Variants in NRXN3 observed in about 807,000 individuals in gnomAD.
The protein encoded by NRXN3 is neurexin 3, also known as neurexin III.
NRXN3 carries 32 observed loss-of-function variants against 137.6 expected under a neutral mutation model. The observed-to-expected ratio is 0.23, with a 90% confidence interval of 0.18 to 0.31. The LOEUF (loss-of-function observed/expected upper bound fraction) is 0.31. Among genes scored for constraint, NRXN3 ranks in the 10% least tolerant of loss-of-function variants. The pLI is 1.00. For missense variants in NRXN3, 1,574 were observed against 2,062.5 expected (o/e 0.76, Z 4.59); for synonymous variants, 798 against 784.5 (o/e 1.02, Z -0.29).
At chr14:78,539,808 C>A (rs907540022) in intron 4 of NRXN3, among the ~76,000 whole-genome samples, 10 of 152,118 alleles carry the variant, frequency 6.6e-5, no homozygotes, top group African/African-American at 2.4e-4. Flanking sequence ...TATGTTGTGT[C>A]TTTGTTATCA....
intron 16 of NRXN3, among the ~76,000 whole-genome samples, chr14:79,607,841 GC>G (rs2098042066): frequency 6.6e-6 from 1 of 151,686 alleles, no homozygotes; most frequent in Admixed American, 6.6e-5. Context: ...ACCATGCCCG[GC>G]TAATTTTTTG....
chr14:79,295,421 C>G (rs138331861), intron 15 of NRXN3, among the ~76,000 whole-genome samples: 1 of 152,252 alleles, frequency 6.6e-6, no homozygotes, highest in African/African-American at 2.4e-5. Flanking sequence ...ATAAAAAGCA[C>G]TCTTTCAAAT....
intron 4 of NRXN3, among the ~76,000 whole-genome samples, chr14:78,613,582 T>G (rs922216480): frequency 7.6e-6 from 1 of 132,158 alleles, no homozygotes; most frequent in East Asian, 2.0e-4. Flanking sequence ...ACCATAGTTT[T>G]TTTTTTTTTT....
chr14:78,171,477 G>T (rs1361730197), intron 1 of NRXN3, among the ~76,000 whole-genome samples: 2 of 152,120 alleles, frequency 1.3e-5, no homozygotes, highest in Non-Finnish European at 1.5e-5. Flanking sequence ...CTCTGTGTAA[G>T]CACTGTGGGT....
chr14:79,680,344 C>T (rs1212014233), intron 17 of NRXN3, among the ~76,000 whole-genome samples: 1 of 151,970 alleles, frequency 6.6e-6, no homozygotes, highest in Non-Finnish European at 1.5e-5. Context: ...AAGATCCTGC[C>T]ATTGTACTCC....
At chr14:79,415,693 T>C (rs1292167729) in intron 15 of NRXN3, among the ~76,000 whole-genome samples, 2 of 152,178 alleles carry the variant, frequency 1.3e-5, no homozygotes, top group African/African-American at 4.8e-5. Context: ...TGTTGTCATA[T>C]CTGTACATTC....
intron 16 of NRXN3, chr14:79,661,878 G>C (rs988094060): frequency 2.0e-5 from 3 of 152,000 alleles, no homozygotes; most frequent in African/African-American, 7.2e-5. Flanking sequence ...ATATGGTTTG[G>C]CTGTGTTCCC....
intron 16 of NRXN3, 38 bp downstream of exon 16, chr14:79,467,440 C>G (rs762734658): frequency 1.3e-6 from 2 of 1,534,726 alleles, no homozygotes; most frequent in Admixed American, 3.6e-5. Flanking sequence ...TCTTATGTTA[C>G]TGGTGGTCTG....
At chr14:79,308,198 T>G (rs188611376) in intron 15 of NRXN3, among the ~76,000 whole-genome samples, 2 of 152,286 alleles carry the variant, frequency 1.3e-5, no homozygotes, top group African/African-American at 4.8e-5. Context: ...CTTCAACATA[T>G]GAATGTTGAA....
intron 2 of NRXN3, among the ~76,000 whole-genome samples, chr14:78,263,405 G>C (rs1180196957): frequency 6.6e-6 from 1 of 152,136 alleles, no homozygotes; most frequent in African/African-American, 2.4e-5. Context: ...AAGATACTTT[G>C]ATTGTACAGT....
chr14:79,766,696 CAT>C (rs1400583577), intron 19 of NRXN3, among the ~76,000 whole-genome samples: 6 of 152,214 alleles, frequency 3.9e-5, no homozygotes, highest in African/African-American at 7.2e-5. Flanking sequence ...TTAGAATTTA[CAT>C]GAGTTCATTT....
At chr14:79,328,661 C>T (rs1210261799) in intron 15 of NRXN3, among the ~76,000 whole-genome samples, 1 of 151,914 alleles carries the variant, frequency 6.6e-6, no homozygotes, top group African/African-American at 2.4e-5. Flanking sequence ...TGAATTTTGC[C>T]ATTCATCTTT....
rs28863254 is a variant in NRXN3 at position 79,751,927 on chromosome 14, C to A, written c.4015-53185C>A. Among the ~76,000 whole-genome samples, 4 of 146,974 alleles carry A rather than the reference C, an allele frequency of 2.7e-5. No homozygotes were observed. In the Admixed American group the frequency reaches 2.8e-4, roughly 10 times the overall value. ...TTGCATCCCAGGGATGAAGCCCACTCGATCATGGTGGATAAGCTTTTTGAT... is the reference window on the plus strand; with the variant it reads ...TTGCATCCCAGGGATGAAGCCCACTAGATCATGGTGGATAAGCTTTTTGAT... On this transcript the variant is annotated intron_variant, in intron 19 of 20. Coordinates refer to ENST00000335750, the MANE Select transcript of NRXN3 (RefSeq NM_001330195.2).
At chr14:78,400,379 T>A (rs2153653777) in intron 4 of NRXN3, among the ~76,000 whole-genome samples, 1 of 152,346 alleles carries the variant, frequency 6.6e-6, no homozygotes, top group African/African-American at 2.4e-5. Flanking sequence ...GTGGTACTTT[T>A]AAGACTTAAA....
intron 19 of NRXN3, among the ~76,000 whole-genome samples, chr14:79,771,100 G>C (rs965955872): frequency 4.6e-5 from 7 of 152,186 alleles, no homozygotes; most frequent in South Asian, 2.1e-4. Flanking sequence ...CTGAATAGAC[G>C]AATAAGAGGA....
At chr14:78,964,474 A>T (rs1027210462) in intron 11 of NRXN3, among the ~76,000 whole-genome samples, 1 of 152,192 alleles carries the variant, frequency 6.6e-6, no homozygotes, top group Non-Finnish European at 1.5e-5. Context: ...AGGAGGTGTT[A>T]GGGGCTGAGC....
At position 78,562,354 on chromosome 14, in the gene NRXN3, G is replaced by A. The variant is rs1350345986; in HGVS notation, c.758-82766G>A. On this transcript the variant is annotated intron_variant, in intron 4 of 20. Coordinates refer to ENST00000335750, the MANE Select transcript of NRXN3 (RefSeq NM_001330195.2). ...GGAGGTTTCAGTGACCCAAGATCGCGCCACTGCACTCCAGCCTGGTGACAG... is the reference window on the plus strand; with the variant it reads ...GGAGGTTTCAGTGACCCAAGATCGCACCACTGCACTCCAGCCTGGTGACAG... 1.2e-4 allele frequency among the ~76,000 whole-genome samples: 16 copies of A among 136,586 alleles called. No individual in the cohort carries two copies. The East Asian group carries it at 1.8e-3, about 15-fold the overall frequency. 89.6% of individuals were successfully genotyped at this position (136,586 alleles called of 152,430 possible).
At chr14:78,756,415 G>T (rs1168162954) in intron 8 of NRXN3, among the ~76,000 whole-genome samples, 1 of 152,016 alleles carries the variant, frequency 6.6e-6, no homozygotes, top group East Asian at 1.9e-4. Flanking sequence ...TTAAACCAGG[G>T]AGGTGGAGGC....
In NRXN3 at chr14:79,340,025, G is replaced by C. The variant is rs2092508006; in HGVS notation, c.3263-127196G>C. Among the ~76,000 whole-genome samples the C allele has an allele frequency of 2.0e-5, 3 of 152,114 alleles. No homozygotes were observed. The South Asian group carries it at 6.2e-4, about 32-fold the overall frequency. ...GAAGTGTTTTCCTATGTCCTGTTTT[G>C]AGAGAAGCTATTTTCACAGTATGGC... On this transcript the variant is annotated intron_variant, in intron 15 of 20. Transcript: ENST00000335750.
Sources: gnomAD v4.1 joint callset for allele counts (sites outside exome capture counted in the v4.1 genomes callset) on GRCh38, gnomAD v4.1.1 for gene constraint, MANE v1.5 for transcripts, NCBI Gene and HGNC (gene_info 2026-07-23, HGNC 2026-07-21) for gene names.